SPMIP7: variants seen among roughly 807,000 people sequenced by gnomAD.
SPMIP7 encodes protein SPMIP7.
the SPMIP7 span, among the ~76,000 whole-genome samples, chr7:50,149,877 G>A: frequency 4.6e-5 from 7 of 152,106 alleles, no homozygotes; most frequent in South Asian, 2.1e-4. Context: ...AATCCTTCTC[G>A]TTTCCACTTC....
At chr7:50,117,470 A>C in the SPMIP7 span, 2 of 257,198 alleles carry the variant, frequency 7.8e-6, no homozygotes, top group East Asian at 9.5e-5. Context: ...TTTGTCAGCA[A>C]ATAGATTAAC....
At chr7:50,096,564 CAGA>C in the SPMIP7 span, 3 of 1,551,930 alleles carry the variant, frequency 1.9e-6, no homozygotes, top group Non-Finnish European at 2.6e-6. Context: ...AAAATTCTAT[CAGA>C]AGAACTGCAA....
chr7:50,135,944 T>A, the SPMIP7 span, among the ~76,000 whole-genome samples: 1 of 152,152 alleles, frequency 6.6e-6, no homozygotes. Context: ...CCAGACCGAA[T>A]CCATGAAGTG....
At chr7:50,125,401 T>TATACACAC in the SPMIP7 span, among the ~76,000 whole-genome samples, 4 of 137,510 alleles carry the variant, frequency 2.9e-5, no homozygotes, top group East Asian at 2.1e-4. Flanking sequence ...TATATATACA[T>TATACACAC]ATATATATAA....
At chr7:50,122,627 G>T in the SPMIP7 span, among the ~76,000 whole-genome samples, 1 of 150,078 alleles carries the variant, frequency 6.7e-6, no homozygotes, top group Non-Finnish European at 1.5e-5. Flanking sequence ...GAGTGAACAG[G>T]CAACCTACAA....
chr7:50,104,333 A>T, the SPMIP7 span: 3 of 1,535,016 alleles, frequency 2.0e-6, no homozygotes, highest in South Asian at 1.2e-5. Context: ...GCCCTCTGAA[A>T]GTTACTCCCT....
chr7:50,145,614 G>GTATATA, the SPMIP7 span, among the ~76,000 whole-genome samples: 353 of 38,850 alleles, frequency 9.1e-3, 7 homozygotes, highest in Non-Finnish European at 0.013. Flanking sequence ...GTGTATATGT[G>GTATATA]TGTGTATATA....
the SPMIP7 span, among the ~76,000 whole-genome samples, chr7:50,123,220 T>G: frequency 4.1e-5 from 5 of 120,614 alleles, no homozygotes; most frequent in Non-Finnish European, 6.8e-5. Flanking sequence ...ATATACACCA[T>G]GGAATACTAT....
At chr7:50,138,543 A>G in the SPMIP7 span, among the ~76,000 whole-genome samples, 1 of 152,220 alleles carries the variant, frequency 6.6e-6, no homozygotes, top group Non-Finnish European at 1.5e-5. Flanking sequence ...CAATTTGATC[A>G]TCGCCTCAGT....
the SPMIP7 span, among the ~76,000 whole-genome samples, chr7:50,156,218 GT>G: frequency 6.6e-6 from 1 of 152,124 alleles, no homozygotes; most frequent in South Asian, 2.1e-4. Context: ...ACATCAAAAA[GT>G]ATCACTCTGA....
chr7:50,143,685 G>A, the SPMIP7 span, among the ~76,000 whole-genome samples: 15 of 152,230 alleles, frequency 9.9e-5, 1 homozygote, highest in African/African-American at 3.4e-4. Flanking sequence ...TATTTTTATT[G>A]TAGAACTGAA....
chr7:50,139,364 G>GA, the SPMIP7 span, among the ~76,000 whole-genome samples: 152 of 146,248 alleles, frequency 1.0e-3, 1 homozygote, highest in Middle Eastern at 3.5e-3. Context: ...AAAAAAAAAA[G>GA]AAAAAAAAAG....
At chr7:50,101,238 C>T in the SPMIP7 span, among the ~76,000 whole-genome samples, 6 of 152,212 alleles carry the variant, frequency 3.9e-5, no homozygotes, top group African/African-American at 9.6e-5. Context: ...AGCACTTGCA[C>T]GTTGGGATTA....
chr7:50,125,289 T>TATATAC, the SPMIP7 span, among the ~76,000 whole-genome samples: 1 of 98,884 alleles, frequency 1.0e-5, no homozygotes. Context: ...TATATACACA[T>TATATAC]ATATATACAC....
chr7:50,156,527 A>G, the SPMIP7 span, among the ~76,000 whole-genome samples: 1 of 151,594 alleles, frequency 6.6e-6, no homozygotes, highest in South Asian at 2.1e-4. Flanking sequence ...CCTGTGCCAC[A>G]CGAGCTTCCA....
the SPMIP7 span, chr7:50,141,662 G>A: frequency 1.4e-5 from 4 of 291,012 alleles, no homozygotes; most frequent in South Asian, 1.0e-4. Flanking sequence ...CAAGGTGATC[G>A]TGGGGGGATC....
chr7:50,124,406 C>A, the SPMIP7 span, among the ~76,000 whole-genome samples: 1 of 152,102 alleles, frequency 6.6e-6, no homozygotes, highest in Non-Finnish European at 1.5e-5. Context: ...ATTTATGGAA[C>A]ACTACACCAA....
chr7:50,139,801 C>A, the SPMIP7 span, among the ~76,000 whole-genome samples: 4 of 152,112 alleles, frequency 2.6e-5, no homozygotes, highest in Non-Finnish European at 4.4e-5. Flanking sequence ...TGCCCTTCAG[C>A]AGGTAAATAG....
chr7:50,136,249 CT>C, the SPMIP7 span: 1 of 1,020,848 alleles, frequency 9.8e-7, no homozygotes, highest in Non-Finnish European at 1.5e-6. Flanking sequence ...TAGCCCTTGG[CT>C]TAGAGGTGTG....
Sources: gnomAD v4.1 joint callset for allele counts (sites outside exome capture counted in the v4.1 genomes callset) on GRCh38, gnomAD v4.1.1 for gene constraint, MANE v1.5 for transcripts, NCBI Gene and HGNC (gene_info 2026-07-23, HGNC 2026-07-21) for gene names.